Variants in ZNF416 observed in about 807,000 individuals in gnomAD.
The protein encoded by ZNF416 is zinc finger protein 416.
In ZNF416, 5 loss-of-function variants were observed where a neutral mutation model predicts 10.9. The observed-to-expected ratio is 0.46, with a 90% confidence interval of 0.24 to 0.97. The LOEUF (loss-of-function observed/expected upper bound fraction) is 0.97, where lower values mean the gene tolerates loss of function less well. Among genes scored for constraint, ZNF416 ranks in the 50% least tolerant of loss-of-function variants. The probability of loss-of-function intolerance (pLI) is 0.19; values close to 1 mark genes in which losing one functional copy is unlikely to be tolerated. For missense variants in ZNF416, 675 were observed against 715.0 expected (o/e 0.94, Z 0.64); for synonymous variants, 267 against 251.8 (o/e 1.06, Z -0.57).
chr19:57,574,666 A>G (rs957639394), intron 3 of ZNF416, among the ~76,000 whole-genome samples: 1 of 152,184 alleles, frequency 6.6e-6, no homozygotes, highest in East Asian at 1.9e-4. Context: ...GTGGGCCTCT[A>G]AAGATCACAA....
chr19:57,578,346 A>C (rs1978623495), intron 1 of ZNF416: 2 of 593,222 alleles, frequency 3.4e-6, no homozygotes, highest in Non-Finnish European at 6.0e-6. Context: ...AAAAATTTGA[A>C]AAGTCTAACT....
rs1284255136 is a variant in ZNF416 at position 57,573,261 on chromosome 19, A to G, written c.643T>C (p.Tyr215His). 1.2e-6 allele frequency: 2 copies of G among 1,614,106 alleles called. No individual in the cohort carries two copies. Among genetic ancestry groups the G allele is most frequent in the Non-Finnish European group, 1.7e-6 (2 of 1,180,040 alleles). ...EEAFHVGISH[Y>H]KWSQCRRESS... ...TCTCTCCTGCATTGACTCCACTTGTAATGACTTATTCCAACATGAAAGGCC... is the reference window on the plus strand; with the variant it reads ...TCTCTCCTGCATTGACTCCACTTGTGATGACTTATTCCAACATGAAAGGCC... Residue 215 changes from tyrosine (Y) to histidine (H), a missense_variant, in exon 4 of 4, where the codon TAC becomes CAC. Physicochemically the swap from Tyr to His is moderately conservative, Grantham distance 83. Coordinates refer to ENST00000196489, the MANE Select transcript of ZNF416 (RefSeq NM_017879.3).
At chr19:57,577,055 T>A (rs1978561241) in intron 2 of ZNF416, among the ~76,000 whole-genome samples, 1 of 152,008 alleles carries the variant, frequency 6.6e-6, no homozygotes, top group Admixed American at 6.6e-5. Context: ...CCTGGGCTGG[T>A]AATAGCATTA....
At chr19:57,573,834 G>T in intron 3 of ZNF416, 133 bp from the exon 4 acceptor site, 1 of 1,148,496 alleles carries the variant, frequency 8.7e-7, no homozygotes, top group Non-Finnish European at 1.2e-6. Context: ...TCAGGAGTTT[G>T]AGACCAGTCT....
intron 1 of ZNF416, 188 bp downstream of exon 1, chr19:57,578,484 G>T (rs1382890528): frequency 5.1e-6 from 3 of 591,680 alleles, no homozygotes; most frequent in Non-Finnish European, 8.3e-6. Context: ...CACAGAAACC[G>T]GCCCCTCCGC....
At chr19:57,578,618 G>C (rs902834843) in intron 1 of ZNF416, 54 bp downstream of exon 1, 1 of 1,502,624 alleles carries the variant, frequency 6.7e-7, no homozygotes, top group African/African-American at 1.4e-5. Context: ...CTCATGCAGG[G>C]TGTTGGATTT....
Position 57,572,037 on chromosome 19 carries a change from T to G in ZNF416, c.*82A>C. 1 of 1,513,902 alleles carries G rather than the reference T, an allele frequency of 6.6e-7. No individual in the cohort carries two copies. The highest frequency in any genetic ancestry group is 1.3e-5 in the South Asian group (1 of 75,476). 93.8% of individuals were successfully genotyped at this position (1,513,902 alleles called of 1,614,324 possible). On this transcript the variant is annotated 3_prime_UTR_variant, in exon 4 of 4. Coordinates refer to ENST00000196489, the MANE Select transcript of ZNF416 (RefSeq NM_017879.3). This position sits in a 1 kb window ranked among gnomAD's most constrained non-coding sequence, Gnocchi z 4.5. ...AGGCAGACGGCTCCTTCACAAAGGC[T>G]CTCTATAGCCATAACACTGAAGAAA...
chr19:57,578,049 C>A lies in ZNF416; in HGVS notation c.75+8G>T, dbSNP rs1978606384. On this transcript the variant is annotated splice_region_variant and intron_variant, in intron 2 of 3. Coordinates refer to ENST00000196489, the MANE Select transcript of ZNF416 (RefSeq NM_017879.3). ...CATCAGTGAGGGCCCGAAACACTCTCCACTCACCTGTGTAAAGCCCATAAG... is the reference window on the plus strand; with the variant it reads ...CATCAGTGAGGGCCCGAAACACTCTACACTCACCTGTGTAAAGCCCATAAG... 2 of 1,614,064 alleles carry A rather than the reference C, an allele frequency of 1.2e-6. No homozygotes were observed. The highest frequency in any genetic ancestry group is 1.7e-6 in the Non-Finnish European group (2 of 1,180,024).
intron 2 of ZNF416, 94 bp from the exon 3 acceptor site, chr19:57,576,024 T>C (rs1978523845): frequency 2.0e-6 from 3 of 1,491,356 alleles, no homozygotes; most frequent in South Asian, 2.5e-5. Context: ...CTTATCCCCA[T>C]ACCTAAGCCC....
At position 57,578,738 on chromosome 19, in the gene ZNF416, G is replaced by A. The variant is rs770654505; in HGVS notation, c.-34C>T. 2 of 1,444,684 alleles carry A rather than the reference G, an allele frequency of 1.4e-6. No homozygotes were observed. The highest frequency in any genetic ancestry group is 1.4e-5 in the South Asian group (1 of 70,802). The allele number at this position is 1,444,684 out of a possible 1,614,324, so 89.5% of individuals were successfully genotyped here. A position where few individuals can be genotyped will look rare whatever the true frequency, so the allele number is the denominator to read the frequency against. ...GAGCGGAGCGGGGCCGGGAGCGGCGGGCGACCCGGGGCGGGAACCCAGGCA... is the reference window on the plus strand; with the variant it reads ...GAGCGGAGCGGGGCCGGGAGCGGCGAGCGACCCGGGGCGGGAACCCAGGCA... On this transcript the variant is annotated 5_prime_UTR_variant, in exon 1 of 4. Transcript: ENST00000196489.
Position 57,573,625 on chromosome 19 carries a change from A to G in ZNF416, c.279T>C (p.Thr93=), listed in dbSNP as rs1978413834. 1.9e-6 allele frequency: 3 copies of G among 1,614,048 alleles called. No individual in the cohort carries two copies. Among genetic ancestry groups the G allele is most frequent in the Non-Finnish European group, 2.5e-6 (3 of 1,180,028 alleles). Residue 93 remains threonine (T), a synonymous_variant, in exon 4 of 4, where the codon ACT becomes ACC. Coordinates refer to ENST00000196489, the MANE Select transcript of ZNF416 (RefSeq NM_017879.3). ...TCTGGGTGGATGGACTGGCCTCTGGAGTCCTGACCTGAGGTACTCCTTCTA... is the reference window on the plus strand; with the variant it reads ...TCTGGGTGGATGGACTGGCCTCTGGGGTCCTGACCTGAGGTACTCCTTCTA... The part of the protein sequence containing the change: ...VSVEGVPQVR[T]PEASPSTQKI...
chr19:57,578,290 G>A (rs1327797321), intron 1 of ZNF416, among the ~76,000 whole-genome samples, 192 bp from the exon 2 acceptor site: 1 of 152,054 alleles, frequency 6.6e-6, no homozygotes, highest in East Asian at 1.9e-4. Context: ...CCTGTGCCTC[G>A]GTGTTATCCC....
intron 3 of ZNF416, among the ~76,000 whole-genome samples, chr19:57,574,561 C>T (rs181480106): frequency 2.6e-3 from 399 of 152,264 alleles, no homozygotes; most frequent in African/African-American, 9.3e-3. Flanking sequence ...ATGGGAAGCA[C>T]CTTCACATAT....
At position 57,572,879 on chromosome 19, in the gene ZNF416, A is replaced by G. The variant is rs990620528; in HGVS notation, c.1025T>C (p.Ile342Thr). 14 of 1,613,788 alleles carry G rather than the reference A, an allele frequency of 8.7e-6. No homozygotes were observed. The highest frequency in any genetic ancestry group is 2.7e-5 in the African/African-American group (2 of 74,846). Reference protein sequence around the residue: ...GKSFSQSSNLIEHCRIHTGER... With the variant: ...GKSFSQSSNLTEHCRIHTGER... ...TCCAGTGTGAATTCTGCAATGTTCA[A>G]TAAGGTTGGAACTTTGGCTAAAAGA... The change falls in exon 4 of 4, where the codon ATT (isoleucine) becomes ACT (threonine). Residue 342 changes from isoleucine to threonine, a missense_variant. Physicochemically the swap from Ile to Thr is moderately conservative, Grantham distance 89. Coordinates refer to ENST00000196489, the MANE Select transcript of ZNF416 (RefSeq NM_017879.3). The surrounding 1 kb of genome is among the most constrained non-coding windows in gnomAD (Gnocchi z 4.5).
Position 57,572,926 on chromosome 19 carries a change from G to A in ZNF416, c.978C>T (p.Tyr326=), listed in dbSNP as rs138114602. ...HHRVHTGERP[Y]ECGECGKSFS... is the part of the protein sequence containing the mutation. ...AAGATTTCCCACATTCACCACACTC[G>A]TAAGGCCTTTCTCCAGTGTGAACTC... Residue 326 remains tyrosine (Y), a synonymous_variant, in exon 4 of 4, where the codon TAC becomes TAT. Transcript: ENST00000196489. This position sits in a 1 kb window ranked among gnomAD's most constrained non-coding sequence, Gnocchi z 4.5. 8.1e-6 allele frequency: 13 copies of A among 1,611,982 alleles called. No individual in the cohort carries two copies. Among genetic ancestry groups the A allele is most frequent in the Admixed American group, 5.0e-5 (3 of 59,818 alleles).
chr19:57,578,565 C>T, intron 1 of ZNF416, 107 bp downstream of exon 1: 1 of 1,309,834 alleles, frequency 7.6e-7, no homozygotes, highest in East Asian at 2.8e-5. Context: ...GCCTCATAGT[C>T]CTGGACTCTA....
Position 57,571,853 on chromosome 19 carries a change from A to G in ZNF416, c.*266T>C, listed in dbSNP as rs1568605895. ...CCAAGGGTTGGGAGAACACAGGTGT[A>G]TCTGCCTCGCCTTAGTATGCAAGGG... is the stretch of plus-strand genomic sequence containing the variant. On this transcript the variant is annotated 3_prime_UTR_variant, in exon 4 of 4. Coordinates refer to ENST00000196489, the MANE Select transcript of ZNF416 (RefSeq NM_017879.3). 1 of 417,170 alleles carries G rather than the reference A, an allele frequency of 2.4e-6. No homozygotes were observed. Among genetic ancestry groups the G allele is most frequent in the East Asian group, 3.9e-5 (1 of 25,828 alleles). 25.8% of individuals were successfully genotyped at this position (417,170 alleles called of 1,614,324 possible).
Position 57,573,028 on chromosome 19 carries a change from G to A in ZNF416, c.876C>T (p.His292=). ...CACACACATAAGGCCTTTCTCCAGTGTGGATTCTCCGATGATCATTCAGAT... is the reference window on the plus strand; with the variant it reads ...CACACACATAAGGCCTTTCTCCAGTATGGATTCTCCGATGATCATTCAGAT... ...TSHLNDHRRI[H]TGERPYVCGQ... is the part of the protein sequence containing the mutation. Residue 292 remains histidine (H), a synonymous_variant, in exon 4 of 4, where the codon CAC becomes CAT. Transcript: ENST00000196489. 1 of 1,614,222 alleles carries A rather than the reference G, an allele frequency of 6.2e-7. No individual in the cohort carries two copies.
chr19:57,578,594 G>T, intron 1 of ZNF416, 78 bp downstream of exon 1: 1 of 1,423,842 alleles, frequency 7.0e-7, no homozygotes, highest in Non-Finnish European at 9.3e-7. Context: ...CTGCAGGGAC[G>T]CAAGCAGGCG....
Sources: gnomAD v4.1 joint callset for allele counts (sites outside exome capture counted in the v4.1 genomes callset) on GRCh38, gnomAD v4.1.1 for gene constraint, Gnocchi (gnomAD v3.1) non-coding constraint, MANE v1.5 for transcripts, NCBI Gene and HGNC (gene_info 2026-07-23, HGNC 2026-07-21) for gene names.